The following ADCK1 variants were observed in gnomAD, a reference collection of about 807,000 sequenced individuals.
ADCK1 encodes aarF domain-containing protein kinase 1.
In ADCK1, 41 loss-of-function variants were observed where a neutral mutation model predicts 52.3. The ratio of observed to expected loss-of-function variants is 0.78; its 90% CI spans 0.61 to 1.02. The LOEUF (loss-of-function observed/expected upper bound fraction) is 1.02. Ranked by LOEUF, ADCK1 falls within the 50% of genes least tolerant of loss-of-function variation. The pLI, the probability that ADCK1 is intolerant of heterozygous loss-of-function variation, is 0.00. For missense variants in ADCK1, 658 were observed against 679.5 expected, an observed-to-expected ratio of 0.97 and a Z score of 0.35; for synonymous variants, 250 against 274.6, an observed-to-expected ratio of 0.91 and a Z score of 0.89.
rs1168101695 is a variant in ADCK1 at position 77,887,119 on chromosome 14, A to G, written c.452A>G (p.Asp151Gly). The G allele has an allele frequency of 1.2e-6, 2 of 1,600,234 alleles. No homozygotes were observed. The highest frequency in any genetic ancestry group is 1.7e-6 in the Non-Finnish European group (2 of 1,173,800). ...EIHDLFQSFD[D>G]TPLGTASLAQ... ...CATGATTTGTTCCAGAGCTTCGATGACACCCCTCTGGGGACGGCCTCCCTG... is the reference window on the plus strand; with the variant it reads ...CATGATTTGTTCCAGAGCTTCGATGGCACCCCTCTGGGGACGGCCTCCCTG... Residue 151 changes from aspartate to glycine, a missense_variant, in exon 5 of 11, where the codon GAC becomes GGC. Transcript: ENST00000238561.
chr14:77,826,131 C>T (rs180822831), intron 3 of ADCK1, among the ~76,000 whole-genome samples: 2 of 152,184 alleles, frequency 1.3e-5, no homozygotes, highest in African/African-American at 4.8e-5. Flanking sequence ...AAGAGAACAG[C>T]ACGTGGCGGC....
At position 77,887,255 on chromosome 14, in the gene ADCK1, A is replaced by G; in HGVS notation, c.582+6A>G. ...AGGACATTCTCCTGATGGAGGTGAG[A>G]GCCCTCCCTTTCTCCTTCCTGTGTC... On this transcript the variant is annotated splice_donor_region_variant and intron_variant, in intron 5 of 10. Coordinates refer to ENST00000238561, the MANE Select transcript of ADCK1 (RefSeq NM_020421.4). 1.3e-6 allele frequency: 2 copies of G among 1,557,186 alleles called. No homozygotes were observed. Among genetic ancestry groups the G allele is most frequent in the Non-Finnish European group, 1.7e-6 (2 of 1,151,352 alleles).
chr14:77,824,550 C>T (rs1398058897), intron 3 of ADCK1, among the ~76,000 whole-genome samples: 1 of 151,632 alleles, frequency 6.6e-6, no homozygotes, highest in Non-Finnish European at 1.5e-5. Flanking sequence ...TCTCCTCCCT[C>T]AGCCTCCCTA....
chr14:77,826,973 G>A (rs4899677), intron 3 of ADCK1, among the ~76,000 whole-genome samples: 85,588 of 152,024 alleles, frequency 0.56, 24,894 homozygotes, highest in Middle Eastern at 0.68. Flanking sequence ...AGCTGAGAAT[G>A]TAAGATGTTG....
chr14:77,928,983 CT>C (rs1451728867), intron 9 of ADCK1, among the ~76,000 whole-genome samples: 1 of 152,182 alleles, frequency 6.6e-6, no homozygotes, highest in Non-Finnish European at 1.5e-5. Flanking sequence ...AAGACCCCGT[CT>C]TGTATATCTT....
At chr14:77,820,399 C>A (rs1467290559) in intron 2 of ADCK1, among the ~76,000 whole-genome samples, 1 of 150,776 alleles carries the variant, frequency 6.6e-6, no homozygotes, top group Non-Finnish European at 1.5e-5. Flanking sequence ...GGTGTGATAC[C>A]CACTTACTGC....
At position 77,840,895 on chromosome 14, in the gene ADCK1, G is replaced by A. The variant is rs192347388; in HGVS notation, c.220-18181G>A. Among the ~76,000 whole-genome samples, 864 of 143,178 alleles carry A rather than the reference G, an allele frequency of 6.0e-3. 14 individuals carry two copies. Among genetic ancestry groups the A allele is most frequent in the African/African-American group, 0.022 (826 of 38,326 alleles). 93.9% of individuals were successfully genotyped at this position (143,178 alleles called of 152,430 possible). ...GGGAGGGAGAGAAGGGAAGGGGAGA[G>A]GAGGGGAGGGGAGGGAAGAGGGAGG... On this transcript the variant is annotated intron_variant, in intron 3 of 10. Coordinates refer to ENST00000238561, the MANE Select transcript of ADCK1 (RefSeq NM_020421.4).
At chr14:77,903,788 A>G (rs2083599565) in intron 6 of ADCK1, among the ~76,000 whole-genome samples, 2 of 152,190 alleles carry the variant, frequency 1.3e-5, no homozygotes. Flanking sequence ...AACCCTGAGG[A>G]GATGTGCATG....
At chr14:77,875,374 T>C (rs2082876000) in intron 4 of ADCK1, among the ~76,000 whole-genome samples, 2 of 152,086 alleles carry the variant, frequency 1.3e-5, no homozygotes, top group Admixed American at 1.3e-4. Flanking sequence ...TTGCCTCCTC[T>C]TTCCTCAGGG....
chr14:77,851,101 T>G (rs116493145), intron 3 of ADCK1, among the ~76,000 whole-genome samples: 143 of 151,644 alleles, frequency 9.4e-4, no homozygotes, highest in African/African-American at 3.3e-3. Flanking sequence ...AGCGTTTCTT[T>G]TAGGCAGCAT....
intron 4 of ADCK1, among the ~76,000 whole-genome samples, chr14:77,872,677 CTTT>C (rs35569874): frequency 5.0e-5 from 7 of 140,890 alleles, no homozygotes; most frequent in Admixed American, 1.4e-4. Context: ...TTCCCCACTC[CTTT>C]TTTTTTTTTT....
intron 7 of ADCK1, 181 bp downstream of exon 7, chr14:77,908,100 G>C (rs1374124205): frequency 1.8e-6 from 1 of 549,090 alleles, no homozygotes; most frequent in African/African-American, 1.9e-5. Context: ...ATTTAGGCCA[G>C]CCCTGTGCAC....
At chr14:77,819,394 A>G (rs1380068584) in intron 2 of ADCK1, among the ~76,000 whole-genome samples, 1 of 152,144 alleles carries the variant, frequency 6.6e-6, no homozygotes, top group East Asian at 1.9e-4. Flanking sequence ...TGTGTTCTGA[A>G]GCCTTTACAT....
chr14:77,836,935 G>A (rs55976930), intron 3 of ADCK1, among the ~76,000 whole-genome samples: 18,994 of 151,524 alleles, frequency 0.13, 1,287 homozygotes, highest in Middle Eastern at 0.19. Flanking sequence ...CACCTCATCC[G>A]GCTACAGGGG....
At position 77,887,021 on chromosome 14, in the gene ADCK1, C is replaced by T. The variant is rs112894477; in HGVS notation, c.424-70C>T. On this transcript the variant is annotated intron_variant, in intron 4 of 10. Coordinates refer to ENST00000238561, the MANE Select transcript of ADCK1 (RefSeq NM_020421.4). ...GCACTAGGCAGCCCTGACTCTGGCC[C>T]ATCTTCCTGGCTCCCTCTCACTGAA... is the stretch of plus-strand genomic sequence containing the variant. 4.5e-5 allele frequency: 66 copies of T among 1,477,708 alleles called. 1 individual carries two copies. In the African/African-American group the frequency reaches 5.5e-4, roughly 12 times the overall value. The allele number at this position is 1,477,708 out of a possible 1,614,324, so 91.5% of individuals were successfully genotyped here.
intron 3 of ADCK1, among the ~76,000 whole-genome samples, chr14:77,827,456 C>CT (rs61564212): frequency 0.76 from 112,691 of 148,602 alleles, 43,066 homozygotes; most frequent in Middle Eastern, 0.88. Flanking sequence ...CCAGGAAATT[C>CT]TTTTTTTTTT....
chr14:77,868,422 C>T (rs368044529), intron 4 of ADCK1, among the ~76,000 whole-genome samples: 288 of 152,340 alleles, frequency 1.9e-3, no homozygotes, highest in African/African-American at 6.6e-3. Flanking sequence ...AGTGGGCCTC[C>T]GTAGCTTGCA....
chr14:77,816,945 A>G (rs915074650), intron 1 of ADCK1, among the ~76,000 whole-genome samples: 62 of 149,054 alleles, frequency 4.2e-4, no homozygotes, highest in African/African-American at 1.5e-3. Context: ...GTCAAAGTAG[A>G]CTTTAAAGAA....
At chr14:77,827,784 C>CT in intron 3 of ADCK1, 2 of 391,898 alleles carry the variant, frequency 5.1e-6, no homozygotes, top group South Asian at 3.9e-5. Flanking sequence ...GCACCTAGTC[C>CT]TACTCCACTG....
Sources: allele counts gnomAD v4.1 joint callset (sites outside exome capture counted in the v4.1 genomes callset), GRCh38; gene constraint gnomAD v4.1.1; transcripts MANE v1.5; gene names NCBI Gene and HGNC (gene_info 2026-07-23, HGNC 2026-07-21).